Variants in FBXW10B observed in about 807,000 individuals in gnomAD.
FBXW10B encodes the protein F-box and WD repeat domain containing protein 10B.
At chr17:15,600,330 T>C in the FBXW10B span, among the ~76,000 whole-genome samples, 1 of 148,700 alleles carries the variant, frequency 6.7e-6, no homozygotes, top group Admixed American at 6.8e-5. Flanking sequence ...TCTTCTAATA[T>C]TCCCAAGGGT....
chr17:15,619,556 C>T, the FBXW10B span: 15 of 1,589,290 alleles, frequency 9.4e-6, no homozygotes, highest in Admixed American at 1.7e-5. Context: ...GCACTTGCAA[C>T]GGCAACGCCA....
the FBXW10B span, chr17:15,596,764 A>T: frequency 1.4e-6 from 2 of 1,394,356 alleles, no homozygotes; most frequent in Non-Finnish European, 1.9e-6. Context: ...GCAAAGACTC[A>T]TCGAGCCCAT....
the FBXW10B span, among the ~76,000 whole-genome samples, chr17:15,569,464 T>TTA: frequency 8.3e-5 from 11 of 132,036 alleles, no homozygotes; most frequent in Admixed American, 3.7e-4. Context: ...TCTTTTTTTT[T>TTA]TTTTTTTTTT....
the FBXW10B span, chr17:15,607,792 T>A: frequency 9.8e-7 from 1 of 1,024,004 alleles, no homozygotes; most frequent in South Asian, 1.6e-5. Flanking sequence ...AGATTCTTCC[T>A]CTGAAGGCTG....
At chr17:15,619,405 C>T in the FBXW10B span, 1 of 1,613,890 alleles carries the variant, frequency 6.2e-7, no homozygotes, top group Non-Finnish European at 8.5e-7. Flanking sequence ...AGAAGATCTT[C>T]CAGGCTAAGA....
At chr17:15,599,558 G>A in the FBXW10B span, among the ~76,000 whole-genome samples, 1 of 146,634 alleles carries the variant, frequency 6.8e-6, no homozygotes, top group Non-Finnish European at 1.5e-5. Context: ...ACCAGCCTTA[G>A]AATCCATGGC....
chr17:15,603,122 G>A, the FBXW10B span, among the ~76,000 whole-genome samples: 5 of 150,576 alleles, frequency 3.3e-5, no homozygotes, highest in South Asian at 1.1e-3. Context: ...GACCTCAGAT[G>A]ATCCGCCTGC....
At chr17:15,587,052 A>C in the FBXW10B span, among the ~76,000 whole-genome samples, 1 of 151,630 alleles carries the variant, frequency 6.6e-6, no homozygotes, top group African/African-American at 2.4e-5. Context: ...ACTATAAGGA[A>C]CGAAAGTGGA....
the FBXW10B span, among the ~76,000 whole-genome samples, chr17:15,614,427 C>T: frequency 6.6e-5 from 10 of 151,788 alleles, no homozygotes; most frequent in African/African-American, 1.9e-4. Flanking sequence ...ATCTCCTGAC[C>T]GTGTGATCCG....
At chr17:15,612,225 G>C in the FBXW10B span, among the ~76,000 whole-genome samples, 2 of 151,964 alleles carry the variant, frequency 1.3e-5, no homozygotes, top group South Asian at 4.1e-4. Flanking sequence ...AGGAAGTGTC[G>C]GGCTGGGCGC....
At chr17:15,619,440 G>C in the FBXW10B span, 2 of 1,613,984 alleles carry the variant, frequency 1.2e-6, no homozygotes, top group African/African-American at 1.3e-5. Context: ...TTCCGGCATA[G>C]AGGGATGGAA....
At chr17:15,569,455 CTTTTTTTTTTT>C in the FBXW10B span, among the ~76,000 whole-genome samples, 1 of 59,192 alleles carries the variant, frequency 1.7e-5, no homozygotes, top group East Asian at 7.0e-4. Context: ...TTTTCTTTTT[CTTTTTTTTTTT>C]TTTTTTTTTT....
At chr17:15,579,783 T>G in the FBXW10B span, among the ~76,000 whole-genome samples, 2 of 152,284 alleles carry the variant, frequency 1.3e-5, no homozygotes, top group African/African-American at 4.8e-5. Flanking sequence ...TAAATTACAT[T>G]TATTAAGTGC....
chr17:15,577,115 G>A, the FBXW10B span, among the ~76,000 whole-genome samples: 1 of 150,892 alleles, frequency 6.6e-6, no homozygotes, highest in African/African-American at 2.4e-5. Flanking sequence ...GTCTCTTGGT[G>A]TGTATATATT....
chr17:15,596,411 C>T, the FBXW10B span: 10 of 1,334,138 alleles, frequency 7.5e-6, no homozygotes, highest in Admixed American at 2.5e-5. Flanking sequence ...TTCTTGAAGG[C>T]CATACTCAGT....
chr17:15,613,781 C>A, the FBXW10B span: 2 of 1,613,056 alleles, frequency 1.2e-6, no homozygotes, highest in Non-Finnish European at 1.7e-6. Flanking sequence ...AACCCCAGAA[C>A]TGGGCCAAGA....
At chr17:15,571,173 T>G in the FBXW10B span, among the ~76,000 whole-genome samples, 3 of 152,054 alleles carry the variant, frequency 2.0e-5, no homozygotes, top group Non-Finnish European at 2.9e-5. Context: ...TAGTGAGACC[T>G]CATCTTTACA....
the FBXW10B span, among the ~76,000 whole-genome samples, chr17:15,600,215 C>CA: frequency 0.25 from 30,189 of 120,336 alleles, 3,250 homozygotes; most frequent in Middle Eastern, 0.35. Flanking sequence ...GACTCTGTCT[C>CA]AAAAAAAAAA....
At chr17:15,617,992 C>T in the FBXW10B span, among the ~76,000 whole-genome samples, 1 of 152,198 alleles carries the variant, frequency 6.6e-6, no homozygotes, top group Non-Finnish European at 1.5e-5. Context: ...AAAGACAGAT[C>T]CCCAGTCCAG....
Sources: gnomAD v4.1 joint callset for allele counts (sites outside exome capture counted in the v4.1 genomes callset) on GRCh38, gnomAD v4.1.1 for gene constraint, MANE v1.5 for transcripts, NCBI Gene and HGNC (gene_info 2026-07-23, HGNC 2026-07-21) for gene names.